Variants in CNTNAP2 observed in about 807,000 individuals in gnomAD.
CNTNAP2 encodes contactin-associated protein-like 2.
A neutral mutation model predicts 155.2 loss-of-function variants in CNTNAP2; 98 were observed. That is an observed-to-expected ratio of 0.63 (90% CI 0.54 to 0.75). The LOEUF is 0.75. Ranked by LOEUF, CNTNAP2 falls within the 30% of genes least tolerant of loss-of-function variation. CNTNAP2 has a pLI of 0.00. For synonymous variants in CNTNAP2, 651 were observed against 631.2 expected (o/e 1.03, Z -0.47); for missense variants, 1,727 against 1,688.1 (o/e 1.02, Z -0.40).
At chr7:147,777,414 T>C (rs918323341) in intron 13 of CNTNAP2, among the ~76,000 whole-genome samples, 15 of 152,176 alleles carry the variant, frequency 9.9e-5, no homozygotes, top group East Asian at 9.6e-4. Flanking sequence ...AGATCTTATA[T>C]GATGTTCACA....
At chr7:147,719,253 G>T (rs891339030) in intron 13 of CNTNAP2, among the ~76,000 whole-genome samples, 10 of 151,982 alleles carry the variant, frequency 6.6e-5, no homozygotes, top group East Asian at 3.9e-4. Context: ...TACTCCAACT[G>T]CAAACAAGCC....
chr7:148,179,894 G>A (rs893554072), intron 18 of CNTNAP2, among the ~76,000 whole-genome samples: 8 of 152,304 alleles, frequency 5.3e-5, no homozygotes, highest in African/African-American at 1.7e-4. Context: ...AACATTTCTT[G>A]TTGGATGTGA....
At chr7:146,537,285 A>T (rs1173360263) in intron 1 of CNTNAP2, among the ~76,000 whole-genome samples, 2 of 151,270 alleles carry the variant, frequency 1.3e-5, no homozygotes, top group East Asian at 1.9e-4. Flanking sequence ...ATGTTAAATT[A>T]AAAAAAGTTT....
intron 10 of CNTNAP2, among the ~76,000 whole-genome samples, chr7:147,483,712 A>G (rs1798464867): frequency 6.6e-6 from 1 of 152,238 alleles, no homozygotes; most frequent in African/African-American, 2.4e-5. Context: ...AAAATTAAGT[A>G]TCAAGGATGT....
rs1798820617 is a variant in CNTNAP2 at position 147,021,732 on chromosome 7, T to A, written c.403-22175T>A. On this transcript the variant is annotated intron_variant, in intron 3 of 23. Transcript: ENST00000361727. The stretch of plus-strand genomic sequence containing the variant: ...AAACTTAATCTTATTATGTTTTACC[T>A]CCTTGTGGTTTTTGTTATTTCCAAA... Among the ~76,000 whole-genome samples the A allele has an allele frequency of 2.0e-5, 3 of 152,220 alleles. No individual in the cohort carries two copies. The South Asian group carries it at 6.2e-4, about 32-fold the overall frequency.
At chr7:146,610,386 G>A (rs1398304533) in intron 1 of CNTNAP2, among the ~76,000 whole-genome samples, 5 of 152,068 alleles carry the variant, frequency 3.3e-5, no homozygotes, top group African/African-American at 7.2e-5. Context: ...CTGCATGTTC[G>A]GAACCTAAAT....
chr7:148,062,675 A>G (rs1803179388), intron 15 of CNTNAP2, among the ~76,000 whole-genome samples: 1 of 152,170 alleles, frequency 6.6e-6, no homozygotes, highest in African/African-American at 2.4e-5. Context: ...AATCCTATAA[A>G]TAAATATTCA....
intron 1 of CNTNAP2, among the ~76,000 whole-genome samples, chr7:146,731,358 TTTTA>T (rs1241641997): frequency 2.0e-5 from 3 of 151,806 alleles, no homozygotes; most frequent in East Asian, 1.9e-4. Flanking sequence ...ACGTGCAATA[TTTTA>T]TTTATTATTT....
At chr7:147,024,369 GTAGTT>G (rs766253436) in intron 3 of CNTNAP2, among the ~76,000 whole-genome samples, 2 of 152,172 alleles carry the variant, frequency 1.3e-5, no homozygotes, top group African/African-American at 4.8e-5. Flanking sequence ...AATAAAATCT[GTAGTT>G]TAGTTAATTT....
intron 13 of CNTNAP2, among the ~76,000 whole-genome samples, chr7:147,697,082 G>A (rs1341589072): frequency 1.3e-5 from 2 of 152,092 alleles, no homozygotes; most frequent in African/African-American, 4.8e-5. Flanking sequence ...AAATTAATGT[G>A]TGGTTTGGAA....
intron 9 of CNTNAP2, among the ~76,000 whole-genome samples, chr7:147,353,282 A>T (rs59378039): frequency 6.6e-6 from 1 of 151,686 alleles, no homozygotes; most frequent in Non-Finnish European, 1.5e-5. Context: ...ATTTCTCCCA[A>T]TGTTATCCCT....
chr7:146,632,353 C>T (rs1359191311), intron 1 of CNTNAP2, among the ~76,000 whole-genome samples: 1 of 152,018 alleles, frequency 6.6e-6, no homozygotes, highest in Non-Finnish European at 1.5e-5. Context: ...CATGTTAAAA[C>T]TATATGAGCA....
intron 3 of CNTNAP2, among the ~76,000 whole-genome samples, chr7:146,886,405 A>C (rs1243161497): frequency 6.6e-6 from 1 of 152,080 alleles, no homozygotes; most frequent in Non-Finnish European, 1.5e-5. Flanking sequence ...CAAAGAAAAA[A>C]ATTGCAGCAC....
chr7:148,269,126 T>A (rs928087464), intron 21 of CNTNAP2, among the ~76,000 whole-genome samples: 1 of 151,144 alleles, frequency 6.6e-6, no homozygotes, highest in Non-Finnish European at 1.5e-5. Context: ...GGAAAGCAGG[T>A]GTGTGCATGA....
intron 1 of CNTNAP2, among the ~76,000 whole-genome samples, chr7:146,199,153 T>A (rs73452096): frequency 0.015 from 2,260 of 152,230 alleles, 56 homozygotes; most frequent in African/African-American, 0.05. Context: ...CTTTAAAACA[T>A]GCCTAAAAAT....
chr7:148,301,304 A>ATATATATATATAT (rs533956682), intron 21 of CNTNAP2, among the ~76,000 whole-genome samples: 2 of 30,264 alleles, frequency 6.6e-5, no homozygotes, highest in Non-Finnish European at 2.2e-4. Context: ...AAAAAAAAAA[A>ATATATATATATAT]AAATATATAT....
At chr7:146,768,627 A>G (rs906706508) in intron 1 of CNTNAP2, among the ~76,000 whole-genome samples, 42 of 151,936 alleles carry the variant, frequency 2.8e-4, no homozygotes, top group African/African-American at 1.0e-3. Context: ...GTAAGACCAC[A>G]GAGTGATGTG....
chr7:148,137,669 A>AAAGGAAGGAAGGAAGGAAGGAAGGAAGG (rs35867113), intron 16 of CNTNAP2, among the ~76,000 whole-genome samples: 2 of 107,670 alleles, frequency 1.9e-5, no homozygotes, highest in African/African-American at 7.3e-5. Context: ...CTCAGAAAAA[A>AAAGGAAGGAAGGAAGGAAGGAAGGAAGG]AAGGAAGGAA....
At chr7:147,677,072 T>C (rs1449355535) in intron 13 of CNTNAP2, among the ~76,000 whole-genome samples, 1 of 3,378 alleles carries the variant, frequency 3.0e-4, no homozygotes, top group East Asian at 0.5. Flanking sequence ...TTTCATTAAT[T>C]TTTTTTTTTT....
Sources: allele counts gnomAD v4.1 joint callset (sites outside exome capture counted in the v4.1 genomes callset), GRCh38; gene constraint gnomAD v4.1.1; transcripts MANE v1.5; gene names NCBI Gene and HGNC (gene_info 2026-07-23, HGNC 2026-07-21).